CCDC80: variants seen among roughly 807,000 people sequenced by gnomAD.
The protein encoded by CCDC80 is coiled-coil domain containing 80.
CCDC80 carries 49 observed loss-of-function variants against 78.7 expected under a neutral mutation model. That is an observed-to-expected ratio of 0.62 (90% CI 0.50 to 0.79). The LOEUF (loss-of-function observed/expected upper bound fraction) is 0.79. CCDC80 is among the 30% of genes least tolerant of loss of function. The pLI is 0.00. For missense variants in CCDC80, 1,205 were observed against 1,198.6 expected, an observed-to-expected ratio of 1.01 and a Z score of -0.08; for synonymous variants, 488 against 447.0, an observed-to-expected ratio of 1.09 and a Z score of -1.16.
At chr3:112,626,206 G>T (rs551839719) in intron 3 of CCDC80, among the ~76,000 whole-genome samples, 1 of 152,262 alleles carries the variant, frequency 6.6e-6, no homozygotes, top group African/African-American at 2.4e-5. Flanking sequence ...AGTCTCTAGG[G>T]CACAGAATGA....
intron 3 of CCDC80, among the ~76,000 whole-genome samples, chr3:112,628,207 T>C (rs1393142113): frequency 6.6e-6 from 1 of 152,194 alleles, no homozygotes; most frequent in African/African-American, 2.4e-5. Context: ...GCCCTCATGC[T>C]ATTATTTGAA....
intron 3 of CCDC80, among the ~76,000 whole-genome samples, 165 bp from the exon 4 acceptor site, chr3:112,619,269 T>A (rs943504005): frequency 2.0e-5 from 3 of 152,192 alleles, no homozygotes; most frequent in African/African-American, 7.2e-5. Context: ...TTAATAAATA[T>A]AGAAATAAAC....
Position 112,605,400 on chromosome 3 carries a change from A to C in CCDC80, c.*17T>G. Reference sequence around the variant, plus strand: ...CTGCAGAGGAAACTGGCTGAGTCTAAGGTTACATATTTCTGCTCAGTAAGG... The same window carrying C: ...CTGCAGAGGAAACTGGCTGAGTCTACGGTTACATATTTCTGCTCAGTAAGG... On this transcript the variant is annotated 3_prime_UTR_variant, in exon 8 of 8. Coordinates refer to ENST00000206423, the MANE Select transcript of CCDC80 (RefSeq NM_199511.3). 1 of 1,580,440 alleles carries C rather than the reference A, an allele frequency of 6.3e-7. No homozygotes were observed. The highest frequency in any genetic ancestry group is 8.7e-7 in the Non-Finnish European group (1 of 1,154,658).
chr3:112,612,464 T>G (rs1390933605), intron 5 of CCDC80, among the ~76,000 whole-genome samples: 2 of 152,208 alleles, frequency 1.3e-5, no homozygotes, highest in African/African-American at 4.8e-5. Context: ...AAGTCATGTT[T>G]CAGCTTCCCA....
Position 112,599,794 on chromosome 3 carries a change from A to G in CCDC80, c.*5623T>C, listed in dbSNP as rs2107463479. On this transcript the variant is annotated 3_prime_UTR_variant, in exon 8 of 8. Transcript: ENST00000206423. ...TCTGGACCTCCTGCCTATGTAGCAG[A>G]AAAGGATCTTTCTGCTGAATTAATA... The G allele has an allele frequency of 6.6e-6, 1 of 152,348 alleles. No homozygotes were observed. The highest frequency in any genetic ancestry group is 2.1e-4 in the South Asian group (1 of 4,830). 9.4% of individuals were successfully genotyped at this position (152,348 alleles called of 1,614,324 possible). A position where few individuals can be genotyped will look rare whatever the true frequency, so the allele number is the denominator to read the frequency against.
chr3:112,620,357 G>A (rs1935840735), intron 3 of CCDC80, among the ~76,000 whole-genome samples: 1 of 152,176 alleles, frequency 6.6e-6, no homozygotes, highest in Admixed American at 6.5e-5. Flanking sequence ...AAAAGGAGCT[G>A]AGAGCCTAGA....
intron 4 of CCDC80, among the ~76,000 whole-genome samples, chr3:112,618,259 G>A (rs541397847): frequency 5.8e-4 from 88 of 152,278 alleles, no homozygotes; most frequent in African/African-American, 2.0e-3. Flanking sequence ...GGTGGCTCAC[G>A]CCTGTAATCC....
At chr3:112,626,177 G>A (rs1279101838) in intron 3 of CCDC80, among the ~76,000 whole-genome samples, 1 of 152,188 alleles carries the variant, frequency 6.6e-6, no homozygotes, top group Non-Finnish European at 1.5e-5. Context: ...GACTGAGTAG[G>A]TTAGGAGACA....
intron 5 of CCDC80, among the ~76,000 whole-genome samples, chr3:112,611,301 C>T (rs1935623539): frequency 6.6e-6 from 1 of 152,166 alleles, no homozygotes; most frequent in Admixed American, 6.6e-5. Context: ...TGCAAGTTAT[C>T]CACATGATAA....
chr3:112,613,014 T>C (rs1024660465), intron 5 of CCDC80, among the ~76,000 whole-genome samples: 12 of 152,192 alleles, frequency 7.9e-5, no homozygotes, highest in African/African-American at 2.9e-4. Context: ...GTAGCATTTA[T>C]TGACTACTTG....
chr3:112,630,862 T>G (rs1360178964), intron 2 of CCDC80, among the ~76,000 whole-genome samples: 4 of 152,212 alleles, frequency 2.6e-5, no homozygotes, highest in African/African-American at 9.6e-5. Context: ...ACATTCAGCC[T>G]GCACAGAGTT....
Position 112,638,154 on chromosome 3 carries a change from C to T in CCDC80, c.1752G>A (p.Lys584=), listed in dbSNP as rs764253810. 5.6e-6 allele frequency: 9 copies of T among 1,613,804 alleles called. No individual in the cohort carries two copies. The highest frequency in any genetic ancestry group is 7.6e-6 in the Non-Finnish European group (9 of 1,179,882). ...GTTCTGTTTTACCTCCTTTTTTCTT[C>T]TTGCTCTTCTCTTTCTCTTGCTTGC... ...KKSKQEKEKS[K]KKKGGKTEQD... The change falls in exon 2 of 8, where the codon AAG becomes AAA. Residue 584 remains lysine, a synonymous_variant. Coordinates refer to ENST00000206423, the MANE Select transcript of CCDC80 (RefSeq NM_199511.3).
At chr3:112,637,841 A>C (rs566888224) in intron 2 of CCDC80, among the ~76,000 whole-genome samples, 187 bp downstream of exon 2, 1 of 152,206 alleles carries the variant, frequency 6.6e-6, no homozygotes, top group Non-Finnish European at 1.5e-5. Flanking sequence ...AGAACTTCAT[A>C]GGTCACTAAA....
chr3:112,639,009 C>G lies in CCDC80; in HGVS notation c.897G>C (p.Gly299=). The G allele has an allele frequency of 4.3e-6, 7 of 1,611,250 alleles. No individual in the cohort carries two copies. In the South Asian group the frequency reaches 4.4e-5, roughly 10 times the overall value. Residue 299 remains glycine (G), a synonymous_variant, in exon 2 of 8, where the codon GGG becomes GGC. Coordinates refer to ENST00000206423, the MANE Select transcript of CCDC80 (RefSeq NM_199511.3). ...TGCCCAGGCTTGGCCTTCCTGCTCC[C>G]CCTCCACCGTCATTCCCCTCCGCCA... ...QVVAEGNDGG[G]GAGRPSLGSE...
intron 3 of CCDC80, among the ~76,000 whole-genome samples, chr3:112,621,784 C>T (rs1052689224): frequency 5.3e-5 from 8 of 152,222 alleles, no homozygotes; most frequent in Non-Finnish European, 1.0e-4. Flanking sequence ...ACACCCCTAC[C>T]ATAGGACAGC....
rs967807926 is a variant in CCDC80 at position 112,616,641 on chromosome 3, T to A, written c.2321+69A>T. The A allele has an allele frequency of 1.9e-6, 3 of 1,561,522 alleles. No individual in the cohort carries two copies. The African/African-American group carries it at 4.1e-5, about 21-fold the overall frequency. On this transcript the variant is annotated intron_variant, in intron 5 of 7. Transcript: ENST00000206423. ...AACACCTGTGGGATCTGTGTTTCTT[T>A]GGCATTTTCATGAGCTCACTCAGAA... is the stretch of plus-strand genomic sequence containing the variant.
Position 112,610,028 on chromosome 3 carries a change from C to T in CCDC80, c.2375G>A (p.Trp792Ter). The change falls in exon 6 of 8, where the codon TGG becomes TAG. Residue 792 changes from tryptophan (W) to a stop codon, truncating the protein, a stop_gained. Transcript: ENST00000206423. LOFTEE classifies it high-confidence loss of function. ...LVISAPNDED[W>*]AYSQQLSALS... is the part of the protein sequence containing the mutation. ...GGCAGAGAGCTGCTGTGAATAGGCCCAGTCTTCATCGTTAGGAGCAGAGAT... is the reference window on the plus strand; with the variant it reads ...GGCAGAGAGCTGCTGTGAATAGGCCTAGTCTTCATCGTTAGGAGCAGAGAT... 6.2e-7 allele frequency: 1 copy of T among 1,613,986 alleles called. No individual in the cohort carries two copies. The highest frequency in any genetic ancestry group is 8.5e-7 in the Non-Finnish European group (1 of 1,179,980).
In CCDC80 at chr3:112,634,071, A is replaced by G. The variant is rs556770106; in HGVS notation, c.1879-3802T>C. Among the ~76,000 whole-genome samples, 9 of 152,356 alleles carry G rather than the reference A, an allele frequency of 5.9e-5. No homozygotes were observed. The East Asian group carries it at 1.7e-3, about 29-fold the overall frequency. Reference sequence around the variant, plus strand: ...GTAAAGAGAGCAAAGAGCAATGGAAAAAAGCTAGAGGGAAGACACTTTAAG... The same window carrying G: ...GTAAAGAGAGCAAAGAGCAATGGAAGAAAGCTAGAGGGAAGACACTTTAAG... On this transcript the variant is annotated intron_variant, in intron 2 of 7. Transcript: ENST00000206423.
intron 5 of CCDC80, among the ~76,000 whole-genome samples, chr3:112,611,173 A>T (rs1935619608): frequency 6.6e-6 from 1 of 152,082 alleles, no homozygotes. Flanking sequence ...TCGGCCTCCC[A>T]AAGTGCTGGG....
Sources: allele counts gnomAD v4.1 joint callset (sites outside exome capture counted in the v4.1 genomes callset), GRCh38; gene constraint gnomAD v4.1.1; transcripts MANE v1.5; gene names NCBI Gene and HGNC (gene_info 2026-07-23, HGNC 2026-07-21).